Variants in NDUFS1 observed in about 807,000 individuals in gnomAD.
The protein encoded by NDUFS1 is NADH:ubiquinone oxidoreductase core subunit S1.
In NDUFS1, 61 loss-of-function variants were observed where a neutral mutation model predicts 84.4. The observed-to-expected ratio is 0.72, with a 90% CI of 0.59 to 0.89. The LOEUF is 0.89. Among genes scored for constraint, NDUFS1 ranks in the 40% least tolerant of loss-of-function variants. NDUFS1 has a pLI of 0.00. For synonymous variants in NDUFS1, 275 were observed against 290.0 expected, an observed-to-expected ratio of 0.95 and a Z score of 0.53; for missense variants, 891 against 890.0, an observed-to-expected ratio of 1.00 and a Z score of -0.01.
chr2:206,138,708 A>T, intron 12 of NDUFS1, 94 bp from the exon 13 acceptor site: 1 of 1,314,960 alleles, frequency 7.6e-7, no homozygotes, highest in Non-Finnish European at 1.1e-6. Context: ...TACTATTACA[A>T]AATGTTAAAA....
chr2:206,124,084 T>C lies in NDUFS1; in HGVS notation c.*101A>G. On this transcript the variant is annotated 3_prime_UTR_variant, in exon 19 of 19. Transcript: ENST00000233190. ...ACCTTAAATATTACATGATTCAAAT[T>C]ATTATTATTTTTTTTTACAAAGAAA... 1 of 789,352 alleles carries C rather than the reference T, an allele frequency of 1.3e-6. No individual in the cohort carries two copies. The highest frequency in any genetic ancestry group is 2.2e-6 in the Non-Finnish European group (1 of 464,810). The allele number at this position is 789,352 out of a possible 1,614,324, so 48.9% of individuals were successfully genotyped here.
chr2:206,120,529 T>C lies in NDUFS1; in HGVS notation c.*3656A>G, dbSNP rs1220013945. 1 of 152,148 alleles carries C rather than the reference T, an allele frequency of 6.6e-6. No homozygotes were observed. The highest frequency in any genetic ancestry group is 1.5e-5 in the Non-Finnish European group (1 of 68,058). 9.4% of individuals were successfully genotyped at this position (152,148 alleles called of 1,614,324 possible). A position where few individuals can be genotyped will look rare whatever the true frequency, so the allele number is the denominator to read the frequency against. Reference sequence around the variant, plus strand: ...TACATCTATGTCATGCTTTAGCAAATAGCTTGGGTGCATTGTGTCCAGGCC... The same window carrying C: ...TACATCTATGTCATGCTTTAGCAAACAGCTTGGGTGCATTGTGTCCAGGCC... On this transcript the variant is annotated 3_prime_UTR_variant, in exon 19 of 19. Coordinates refer to ENST00000233190, the MANE Select transcript of NDUFS1 (RefSeq NM_005006.7).
chr2:206,121,029 CATAA>C lies in NDUFS1; in HGVS notation c.*3152_*3155del, dbSNP rs1380150712. On this transcript the variant is annotated 3_prime_UTR_variant, in exon 19 of 19. Transcript: ENST00000233190. ...TGCCATTAGTATCTAGCTGTGTAGCCATAAATAAGTTATTTGATATTTCTTGAGT... is the reference window on the plus strand; with the variant it reads ...TGCCATTAGTATCTAGCTGTGTAGCCATAAGTTATTTGATATTTCTTGAGT... The C allele has an allele frequency of 6.6e-6, 1 of 152,318 alleles. No individual in the cohort carries two copies. Among genetic ancestry groups the C allele is most frequent in the Admixed American group, 6.5e-5 (1 of 15,298 alleles). The allele number at this position is 152,318 out of a possible 1,614,324, so 9.4% of individuals were successfully genotyped here. A position where few individuals can be genotyped will look rare whatever the true frequency, so the allele number is the denominator to read the frequency against.
chr2:206,115,030 T>C lies in NDUFS1; in HGVS notation c.*9155A>G, dbSNP rs962826445. On this transcript the variant is annotated 3_prime_UTR_variant, in exon 19 of 19. Coordinates refer to ENST00000233190, the MANE Select transcript of NDUFS1 (RefSeq NM_005006.7). ...ATTATACAAAAAAATTTTTCAGCAG[T>C]TCCCTATTGATGGATATTTACATAT... 1.3e-5 allele frequency: 2 copies of C among 152,218 alleles called. No homozygotes were observed. Among genetic ancestry groups the C allele is most frequent in the Admixed American group, 1.3e-4 (2 of 15,276 alleles). 9.4% of individuals were successfully genotyped at this position (152,218 alleles called of 1,614,324 possible). A position where few individuals can be genotyped will look rare whatever the true frequency, so the allele number is the denominator to read the frequency against.
At chr2:206,144,855 A>C in intron 9 of NDUFS1, 37 bp downstream of exon 9, 1 of 1,598,420 alleles carries the variant, frequency 6.3e-7, no homozygotes, top group Non-Finnish European at 8.5e-7. Flanking sequence ...TCCTTTAAAT[A>C]AACTGTAAAA....
At position 206,126,598 on chromosome 2, in the gene NDUFS1, T is replaced by A. The variant is rs1691302712; in HGVS notation, c.2033A>T (p.Gln678Leu). ...ANELSKLVNQ[Q>L]LLADPLVPPQ... ...TGGAACAAGTGGGTCAGCAAGAAGC[T>A]GCTGGTTCACTAGCTGCACAAAAAA... Residue 678 changes from glutamine to leucine, a missense_variant, in exon 18 of 19, where the codon CAG (glutamine) becomes CTG (leucine). Transcript: ENST00000233190. 2 of 1,614,178 alleles carry A rather than the reference T, an allele frequency of 1.2e-6. No individual in the cohort carries two copies. The highest frequency in any genetic ancestry group is 4.5e-5 in the East Asian group (2 of 44,866).
chr2:206,154,993 G>C (rs1287793996), intron 1 of NDUFS1, among the ~76,000 whole-genome samples: 1 of 139,424 alleles, frequency 7.2e-6, no homozygotes, highest in East Asian at 2.2e-4. Flanking sequence ...GCAGTGGCAC[G>C]ATCTCAGCTC....
At chr2:206,155,925 T>G (rs2105775286) in intron 1 of NDUFS1, among the ~76,000 whole-genome samples, 1 of 151,992 alleles carries the variant, frequency 6.6e-6, no homozygotes, top group African/African-American at 2.4e-5. Flanking sequence ...GGCTAAGCAC[T>G]GAACTTTCCT....
chr2:206,116,200 C>T lies in NDUFS1; in HGVS notation c.*7985G>A. 19 of 1,460,234 alleles carry T rather than the reference C, an allele frequency of 1.3e-5. No homozygotes were observed. The highest frequency in any genetic ancestry group is 1.7e-5 in the Non-Finnish European group (18 of 1,039,928). 90.5% of individuals were successfully genotyped at this position (1,460,234 alleles called of 1,614,324 possible). A position where few individuals can be genotyped will look rare whatever the true frequency, so the allele number is the denominator to read the frequency against. ...AAGGGTTACTCAGTGTCATCTTGAT[C>T]AGCCAACCATCTTCATAACGAGATT... is the stretch of plus-strand genomic sequence containing the variant. On this transcript the variant is annotated 3_prime_UTR_variant, in exon 19 of 19. Transcript: ENST00000233190.
chr2:206,149,153 A>C (rs1692275157), intron 4 of NDUFS1, 57 bp from the exon 5 acceptor site: 1 of 1,231,526 alleles, frequency 8.1e-7, no homozygotes. Context: ...GATTACAAGC[A>C]ACTCAATATA....
rs573060164 is a variant in NDUFS1, at chr2:206,155,252, G to A, written c.-4-1570C>T. Among the ~76,000 whole-genome samples the A allele has an allele frequency of 1.8e-4, 27 of 150,532 alleles. 1 individual carries two copies. Among genetic ancestry groups the A allele is most frequent in the South Asian group, 1.7e-3 (8 of 4,732 alleles). On this transcript the variant is annotated intron_variant, in intron 1 of 18. Coordinates refer to ENST00000233190, the MANE Select transcript of NDUFS1 (RefSeq NM_005006.7). Reference sequence around the variant, plus strand: ...TCCTGCCTTGGCTTCCTGAGTAACCGGGACAGGTGTGTACCACCATGCCAG... The same window carrying A: ...TCCTGCCTTGGCTTCCTGAGTAACCAGGACAGGTGTGTACCACCATGCCAG...
chr2:206,154,917 C>T (rs1206476738), intron 1 of NDUFS1, among the ~76,000 whole-genome samples: 2 of 139,102 alleles, frequency 1.4e-5, no homozygotes, highest in South Asian at 2.2e-4. Context: ...CCACCGTGCC[C>T]GGCCCTTTTT....
chr2:206,141,924 TA>T lies in NDUFS1; in HGVS notation c.1262+16del. 1 of 1,604,320 alleles carries T rather than the reference TA, an allele frequency of 6.2e-7. No individual in the cohort carries two copies. ...TACATAAATATTTTTAAACCTTGAA[TA>T]AATACTATTACCAACCTCTTTCGAA... On this transcript the variant is annotated intron_variant, in intron 12 of 18. Transcript: ENST00000233190.
In NDUFS1 at chr2:206,123,862, C is replaced by A; in HGVS notation, c.*323G>T. 1 of 228,140 alleles carries A rather than the reference C, an allele frequency of 4.4e-6. No homozygotes were observed. The highest frequency in any genetic ancestry group is 8.5e-6 in the Non-Finnish European group (1 of 117,840). The allele number at this position is 228,140 out of a possible 1,614,324, so 14.1% of individuals were successfully genotyped here. Reference sequence around the variant, plus strand: ...GTTTTAATTGAACCTCTTTTCATTTCATCCATTTTACAGACAAATTATTTA... The same window carrying A: ...GTTTTAATTGAACCTCTTTTCATTTAATCCATTTTACAGACAAATTATTTA... On this transcript the variant is annotated 3_prime_UTR_variant, in exon 19 of 19. Coordinates refer to ENST00000233190, the MANE Select transcript of NDUFS1 (RefSeq NM_005006.7).
rs761372572 is a variant in NDUFS1, at chr2:206,144,129, A to C, written c.876T>G (p.Phe292Leu). The change falls in exon 10 of 19, where the codon TTT becomes TTG. Residue 292 changes from phenylalanine (F) to leucine (L), a missense_variant. By Grantham distance (22) the Phe-to-Leu change is conservative. Transcript: ENST00000233190. ...NEEWISDKTR[F>L]AYDGLKRQRL... ...TTTGACGTTTTAGCCCATCATAGGC[A>C]AATCTAGAAAACAGAAATTACACCA... The C allele has an allele frequency of 2.5e-6, 4 of 1,609,050 alleles. No homozygotes were observed. The Admixed American group carries it at 6.7e-5, about 27-fold the overall frequency.
rs1285139024 is a variant in NDUFS1 at position 206,118,822 on chromosome 2, T to G, written c.*5363A>C. 1 of 152,248 alleles carries G rather than the reference T, an allele frequency of 6.6e-6. No individual in the cohort carries two copies. The highest frequency in any genetic ancestry group is 2.4e-5 in the African/African-American group (1 of 41,438). 9.4% of individuals were successfully genotyped at this position (152,248 alleles called of 1,614,324 possible). A position where few individuals can be genotyped will look rare whatever the true frequency, so the allele number is the denominator to read the frequency against. On this transcript the variant is annotated 3_prime_UTR_variant, in exon 19 of 19. Transcript: ENST00000233190. ...CAAAAATTGACTGGGCACGGATAGC[T>G]CACGCCTGTAATCCCAGCACTCTGG... is the stretch of plus-strand genomic sequence containing the variant.
In NDUFS1 at chr2:206,122,415, G is replaced by A. The variant is rs1043070808; in HGVS notation, c.*1770C>T. The A allele has an allele frequency of 6.6e-6, 1 of 151,992 alleles. No individual in the cohort carries two copies. Among genetic ancestry groups the A allele is most frequent in the South Asian group, 2.1e-4 (1 of 4,824 alleles). 9.4% of individuals were successfully genotyped at this position (151,992 alleles called of 1,614,324 possible). A position where few individuals can be genotyped will look rare whatever the true frequency, so the allele number is the denominator to read the frequency against. ...AGGCCAAGGCAGGTAGATCACCTGAGGTTAGGAGTTCAAGACCAGCCTGGC... is the reference window on the plus strand; with the variant it reads ...AGGCCAAGGCAGGTAGATCACCTGAAGTTAGGAGTTCAAGACCAGCCTGGC... On this transcript the variant is annotated 3_prime_UTR_variant, in exon 19 of 19. Transcript: ENST00000233190.
intron 2 of NDUFS1, 98 bp from the exon 3 acceptor site, chr2:206,152,608 C>A (rs1292016691): frequency 4.0e-6 from 4 of 1,003,928 alleles, no homozygotes; most frequent in Admixed American, 3.7e-5. Context: ...TAAAATTTTT[C>A]ATTCCTTATT....
At position 206,147,022 on chromosome 2, in the gene NDUFS1, A is replaced by T; in HGVS notation, c.618T>A (p.Val206=). 15 of 1,614,132 alleles carry T rather than the reference A, an allele frequency of 9.3e-6. No homozygotes were observed. Among genetic ancestry groups the T allele is most frequent in the Non-Finnish European group, 1.3e-5 (15 of 1,180,012 alleles). Residue 206 remains valine, a synonymous_variant, in exon 8 of 19, where the codon GTT becomes GTA. Coordinates refer to ENST00000233190, the MANE Select transcript of NDUFS1 (RefSeq NM_005006.7). ...GTTGRGNDMQ[V]GTYIEKMFMS... ...TGAACATCTTTTCAATGTATGTGCC[A>T]ACTTGCATATCATTTCCTCTGCCTG...
Sources: gnomAD v4.1 joint callset for allele counts (sites outside exome capture counted in the v4.1 genomes callset) on GRCh38, gnomAD v4.1.1 for gene constraint, MANE v1.5 for transcripts, NCBI Gene and HGNC (gene_info 2026-07-23, HGNC 2026-07-21) for gene names.